Variants in PHKG2 observed in about 807,000 individuals in gnomAD.
The protein encoded by PHKG2 is phosphorylase b kinase gamma catalytic chain, liver/testis isoform.
A neutral mutation model predicts 44.5 loss-of-function variants in PHKG2; 28 were observed. The ratio of observed to expected loss-of-function variants is 0.63; its 90% CI spans 0.47 to 0.86. PHKG2 has a LOEUF of 0.86. PHKG2 is among the 40% of genes least tolerant of loss of function. The pLI, the probability that PHKG2 is intolerant of heterozygous loss-of-function variation, is 0.00. For synonymous variants in PHKG2, 220 were observed against 211.2 expected (o/e 1.04, Z -0.36); for missense variants, 498 against 547.5 (o/e 0.91, Z 0.90).
Position 30,759,503 on chromosome 16 carries a change from C to G in PHKG2, c.*2406C>G, listed in dbSNP as rs1215963298. ...TTAGAACCCTGACTACCTTCCGGAG[C>G]CCTGGCTTTGCCTCCAAAAGCCCAG... On this transcript the variant is annotated 3_prime_UTR_variant, in exon 10 of 10. Transcript: ENST00000563588. 1 of 1,614,044 alleles carries G rather than the reference C, an allele frequency of 6.2e-7. No homozygotes were observed. The highest frequency in any genetic ancestry group is 1.3e-5 in the African/African-American group (1 of 74,904).
At chr16:30,751,463 C>T (rs1337299366) in intron 3 of PHKG2, 86 bp from the exon 4 acceptor site, 8 of 1,345,984 alleles carry the variant, frequency 5.9e-6, no homozygotes, top group Non-Finnish European at 8.5e-6. Flanking sequence ...TAACAGCCCG[C>T]TGCTGTCCCA....
chr16:30,760,565 C>T lies in PHKG2; in HGVS notation c.*3468C>T. Reference sequence around the variant, plus strand: ...ATGTTTTCCCAACCTGACCCCTCAGCCTTTGCCAAGAGCTCTTCCCACGCC... The same window carrying T: ...ATGTTTTCCCAACCTGACCCCTCAGTCTTTGCCAAGAGCTCTTCCCACGCC... On this transcript the variant is annotated 3_prime_UTR_variant, in exon 10 of 10. Transcript: ENST00000563588. The T allele has an allele frequency of 6.3e-7, 1 of 1,577,976 alleles. No individual in the cohort carries two copies. Among genetic ancestry groups the T allele is most frequent in the Non-Finnish European group, 8.6e-7 (1 of 1,161,302 alleles).
At position 30,759,445 on chromosome 16, in the gene PHKG2, C is replaced by A; in HGVS notation, c.*2348C>A. On this transcript the variant is annotated 3_prime_UTR_variant, in exon 10 of 10. Transcript: ENST00000563588. ...CTGTTCCTCTTTGAAGAGGTCGATG[C>A]TGAAAGGAGGCCGCTGTGGTGGTGA... The A allele has an allele frequency of 6.2e-7, 1 of 1,614,214 alleles. No individual in the cohort carries two copies. Among genetic ancestry groups the A allele is most frequent in the Non-Finnish European group, 8.5e-7 (1 of 1,180,032 alleles).
intron 4 of PHKG2, chr16:30,752,808 T>C (rs888863008): frequency 6.5e-6 from 2 of 309,372 alleles, no homozygotes; most frequent in South Asian, 2.9e-5. Flanking sequence ...ATTTTGAAAG[T>C]ATTATTTTTA....
intron 1 of PHKG2, 103 bp from the exon 2 acceptor site, chr16:30,748,700 C>T: frequency 2.0e-6 from 1 of 509,228 alleles, no homozygotes; most frequent in Non-Finnish European, 3.6e-6. Flanking sequence ...CCCCCAGGAC[C>T]CTGGCGCCCC....
chr16:30,759,184 C>T lies in PHKG2; in HGVS notation c.*2087C>T, dbSNP rs1312294393. ...CCCTGGCACTCTCCCTTACCCGTCT[C>T]ACTCTCTGGCCACAGTTTGGGTGGC... On this transcript the variant is annotated 3_prime_UTR_variant, in exon 10 of 10. Coordinates refer to ENST00000563588, the MANE Select transcript of PHKG2 (RefSeq NM_000294.3). The T allele has an allele frequency of 6.8e-6, 11 of 1,614,222 alleles. 1 individual carries two copies. In the South Asian group the frequency reaches 1.1e-4, roughly 16 times the overall value.
intron 6 of PHKG2, 25 bp downstream of exon 6, chr16:30,753,582 G>A (rs201959068): frequency 5.6e-6 from 9 of 1,610,062 alleles, no homozygotes. Context: ...TGCCCTAATA[G>A]GCTTGGGAGG....
intron 2 of PHKG2, among the ~76,000 whole-genome samples, chr16:30,750,213 TAAAA>T (rs535247818): frequency 1.3e-5 from 2 of 149,232 alleles, no homozygotes; most frequent in Admixed American, 6.7e-5. Context: ...TGTAAAAAAA[TAAAA>T]AAAAAATTGC....
rs1208492440 is a variant in PHKG2 at position 30,749,088 on chromosome 16, G to GTGCTGC, written c.95+191_95+196dup. On this transcript the variant is annotated intron_variant, in intron 2 of 9. Coordinates refer to ENST00000563588, the MANE Select transcript of PHKG2 (RefSeq NM_000294.3). ...GGTGGTGGTGGTGGTGGTGGTGGTG[G>GTGCTGC]TGCTGCTGCTGCTGCTGCTGCTGGT... Among the ~76,000 whole-genome samples the GTGCTGC allele has an allele frequency of 2.9e-4, 4 of 13,688 alleles. 1 individual carries two copies. Among genetic ancestry groups the GTGCTGC allele is most frequent in the Admixed American group, 1.4e-3 (2 of 1,472 alleles). 9.0% of individuals were successfully genotyped at this position (13,688 alleles called of 152,430 possible).
At chr16:30,754,798 T>A (rs1243249365) in intron 6 of PHKG2, 3 of 450,552 alleles carry the variant, frequency 6.7e-6, no homozygotes, top group Non-Finnish European at 1.3e-5. Flanking sequence ...GCAGCTTAGG[T>A]CCCCTTGCTT....
intron 6 of PHKG2, 75 bp from the exon 7 acceptor site, chr16:30,756,104 AGGC>A: frequency 9.4e-7 from 1 of 1,060,336 alleles, no homozygotes; most frequent in South Asian, 1.3e-5. Context: ...AGCGTTGAGG[AGGC>A]TCCAGCAGAG....
chr16:30,755,113 G>A (rs987044381), intron 6 of PHKG2: 29 of 331,648 alleles, frequency 8.7e-5, no homozygotes, highest in South Asian at 3.7e-4. Flanking sequence ...GTGGTGGCAC[G>A]CATCTGTCAC....
At chr16:30,751,650 A>C (rs773034383) in intron 4 of PHKG2, 47 bp downstream of exon 4, 3 of 1,448,334 alleles carry the variant, frequency 2.1e-6, no homozygotes, top group Non-Finnish European at 1.9e-6. Flanking sequence ...CCCCACCTCC[A>C]TGTATGGCCC....
rs1182139735 is a variant in PHKG2 at position 30,751,560 on chromosome 16, G to T, written c.283G>T (p.Asp95Tyr). 1 of 1,613,506 alleles carries T rather than the reference G, an allele frequency of 6.2e-7. No homozygotes were observed. The highest frequency in any genetic ancestry group is 8.5e-7 in the Non-Finnish European group (1 of 1,179,498). The change falls in exon 4 of 10, where the codon GAT becomes TAT. Residue 95 changes from aspartate (D) to tyrosine (Y), a missense_variant. Coordinates refer to ENST00000563588, the MANE Select transcript of PHKG2 (RefSeq NM_000294.3). ...AGHPHIITLI[D>Y]SYESSSFMFL... The stretch of plus-strand genomic sequence containing the variant: ...TCCTCTCTCCCTAGTCACCCTCATC[G>T]ATTCCTACGAGTCTTCTAGCTTCAT...
chr16:30,748,631 G>T, intron 1 of PHKG2, 141 bp downstream of exon 1: 2 of 403,070 alleles, frequency 5.0e-6, no homozygotes, highest in Non-Finnish European at 4.5e-6. Flanking sequence ...CCATCCTCCC[G>T]CCCCCAGGCT....
chr16:30,749,076 G>GTGC (rs2053299450), intron 2 of PHKG2, among the ~76,000 whole-genome samples, 161 bp downstream of exon 2: 1 of 28,554 alleles, frequency 3.5e-5, no homozygotes, highest in African/African-American at 1.2e-4. Context: ...GGTGGTGGTG[G>GTGC]TGGTGGTGGT....
chr16:30,748,938 G>T, intron 2 of PHKG2, 23 bp downstream of exon 2: 1 of 1,532,806 alleles, frequency 6.5e-7, no homozygotes, highest in South Asian at 1.2e-5. Context: ...CCAGGGAAAC[G>T]GAGGTCCAAA....
At position 30,759,954 on chromosome 16, in the gene PHKG2, T is replaced by TCTAGG. The variant is rs2053636821; in HGVS notation, c.*2858_*2862dup. On this transcript the variant is annotated 3_prime_UTR_variant, in exon 10 of 10. Coordinates refer to ENST00000563588, the MANE Select transcript of PHKG2 (RefSeq NM_000294.3). The stretch of plus-strand genomic sequence containing the variant: ...GGTCCTGCCCTTACGAAGCTTATAT[T>TCTAGG]CTAGGGGAATAAACCAAGAAATAGA... 6.9e-7 allele frequency: 1 copy of TCTAGG among 1,447,044 alleles called. No homozygotes were observed. Among genetic ancestry groups the TCTAGG allele is most frequent in the East Asian group, 2.5e-5 (1 of 40,376 alleles). The allele number at this position is 1,447,044 out of a possible 1,614,324, so 89.6% of individuals were successfully genotyped here. A position where few individuals can be genotyped will look rare whatever the true frequency, so the allele number is the denominator to read the frequency against.
rs1415494072 is a variant in PHKG2, at chr16:30,757,107, C to A, written c.*10C>A. The A allele has an allele frequency of 2.5e-6, 4 of 1,612,748 alleles. No individual in the cohort carries two copies. Among genetic ancestry groups the A allele is most frequent in the Non-Finnish European group, 2.5e-6 (3 of 1,179,988 alleles). On this transcript the variant is annotated 3_prime_UTR_variant, in exon 10 of 10. Transcript: ENST00000563588. The stretch of plus-strand genomic sequence containing the variant: ...GCTTGTGCTGGGCTAGGACCTCAAC[C>A]CCAGGGATTCCCAGGAAGCAGAACT...
Sources: gnomAD v4.1 joint callset for allele counts (sites outside exome capture counted in the v4.1 genomes callset) on GRCh38, gnomAD v4.1.1 for gene constraint, MANE v1.5 for transcripts, NCBI Gene and HGNC (gene_info 2026-07-23, HGNC 2026-07-21) for gene names.